The following LOC400499 variants were observed in gnomAD, a reference collection of about 807,000 sequenced individuals.
chr16:11,386,995 G>T, the LOC400499 span: 1 of 772,140 alleles, frequency 1.3e-6, no homozygotes, highest in Non-Finnish European at 1.8e-6. Context: ...ACCTTGGGAA[G>T]TCCAGTAAGC....
At chr16:11,441,456 C>T in the LOC400499 span, among the ~76,000 whole-genome samples, 1 of 152,146 alleles carries the variant, frequency 6.6e-6, no homozygotes, top group Non-Finnish European at 1.5e-5. Flanking sequence ...AGCCTGAAAC[C>T]CCAAGGTCAA....
the LOC400499 span, chr16:11,390,418 C>A: frequency 8.0e-7 from 1 of 1,252,082 alleles, no homozygotes; most frequent in Non-Finnish European, 1.0e-6. Context: ...CTCCAGGGGC[C>A]GCAGTGTCAC....
chr16:11,413,702 CACT>C, the LOC400499 span, among the ~76,000 whole-genome samples: 1 of 152,214 alleles, frequency 6.6e-6, no homozygotes, highest in Non-Finnish European at 1.5e-5. Context: ...CGATAATAAT[CACT>C]GTCAGACCAT....
the LOC400499 span, chr16:11,401,410 G>C: frequency 7.5e-6 from 3 of 399,578 alleles, no homozygotes; most frequent in Admixed American, 4.4e-5. Flanking sequence ...CCAGCACCTA[G>C]GGAGGGAGAC....
the LOC400499 span, chr16:11,424,414 T>G: frequency 2.5e-6 from 1 of 399,114 alleles, no homozygotes; most frequent in Non-Finnish European, 4.4e-6. Flanking sequence ...CCACCGCATT[T>G]AGTCAGGATG....
chr16:11,490,396 G>GAA, the LOC400499 span, among the ~76,000 whole-genome samples: 1,669 of 60,502 alleles, frequency 0.028, 72 homozygotes, highest in East Asian at 0.15. Flanking sequence ...ACTCTGTCTC[G>GAA]AAAAAAAAAA....
the LOC400499 span, among the ~76,000 whole-genome samples, chr16:11,397,756 AT>A: frequency 6.2e-3 from 88 of 14,164 alleles, 1 homozygote; most frequent in African/African-American, 9.3e-3. Context: ...GGAGGGAGGG[AT>A]GGAGGGAGGG....
At chr16:11,491,692 A>C in the LOC400499 span, 8 of 172,602 alleles carry the variant, frequency 4.6e-5, no homozygotes, top group East Asian at 1.3e-4. Flanking sequence ...ACACACACCC[A>C]TGGCTCACCC....
chr16:11,402,723 T>G, the LOC400499 span, among the ~76,000 whole-genome samples: 2 of 152,056 alleles, frequency 1.3e-5, no homozygotes, highest in Non-Finnish European at 2.9e-5. Context: ...CAGCTGACCT[T>G]GAACATGAGG....
At chr16:11,444,907 C>T in the LOC400499 span, among the ~76,000 whole-genome samples, 3 of 152,042 alleles carry the variant, frequency 2.0e-5, no homozygotes, top group African/African-American at 7.2e-5. Flanking sequence ...TATAGCAAGA[C>T]TCTGTCTCTA....
chr16:11,456,888 G>T, the LOC400499 span: 4 of 1,536,102 alleles, frequency 2.6e-6, no homozygotes, highest in Non-Finnish European at 3.5e-6. Context: ...GGCCCGAGAT[G>T]TGTCCTTCCA....
the LOC400499 span, among the ~76,000 whole-genome samples, chr16:11,380,526 CA>C: frequency 6.7e-5 from 10 of 149,438 alleles, no homozygotes; most frequent in African/African-American, 2.2e-4. Context: ...GACCCTGTCT[CA>C]AAAAAAAATA....
the LOC400499 span, among the ~76,000 whole-genome samples, chr16:11,502,525 C>T: frequency 1.3e-5 from 2 of 152,086 alleles, no homozygotes; most frequent in South Asian, 4.1e-4. Context: ...AATAAATGTT[C>T]ACTATGATTG....
At chr16:11,523,461 G>A in the LOC400499 span, 8 of 398,600 alleles carry the variant, frequency 2.0e-5, no homozygotes, top group Admixed American at 8.8e-5. Context: ...CCCCACCTGC[G>A]AATCTGGAAT....
the LOC400499 span, among the ~76,000 whole-genome samples, chr16:11,426,754 C>A: frequency 6.6e-6 from 1 of 150,872 alleles, no homozygotes; most frequent in Admixed American, 6.6e-5. Context: ...CAAAGGGAGA[C>A]CCCACCTCTA....
At chr16:11,387,873 C>T in the LOC400499 span, among the ~76,000 whole-genome samples, 2 of 152,126 alleles carry the variant, frequency 1.3e-5, no homozygotes, top group East Asian at 1.9e-4. Context: ...ATCTGCCCAC[C>T]TCGGCCTCCC....
the LOC400499 span, chr16:11,478,655 G>A: frequency 2.5e-6 from 1 of 399,208 alleles, no homozygotes; most frequent in Non-Finnish European, 4.4e-6. Flanking sequence ...TCGCATCGCA[G>A]AGCCTGCCGG....
the LOC400499 span, among the ~76,000 whole-genome samples, chr16:11,513,381 G>A: frequency 7.4e-6 from 1 of 135,860 alleles, no homozygotes; most frequent in East Asian, 2.0e-4. Context: ...TCTCCAGCCT[G>A]GGCAACAGAA....
the LOC400499 span, among the ~76,000 whole-genome samples, chr16:11,520,381 G>T: frequency 6.6e-6 from 1 of 152,142 alleles, no homozygotes; most frequent in Admixed American, 6.5e-5. Flanking sequence ...GGAAGGCTGG[G>T]CATAGTGGCT....
Sources: allele counts gnomAD v4.1 joint callset (sites outside exome capture counted in the v4.1 genomes callset), GRCh38; gene constraint gnomAD v4.1.1; transcripts MANE v1.5.